The following NOSIP variants were observed in gnomAD, a reference collection of about 807,000 sequenced individuals.
NOSIP encodes the protein nitric oxide synthase interacting protein, also known as nitric oxide synthase-interacting protein.
Under a neutral mutation model 36.4 loss-of-function variants are expected in NOSIP, and 25 were observed. The observed-to-expected ratio is 0.69, with a 90% CI of 0.50 to 0.96. The LOEUF is 0.96. Among genes scored for constraint, NOSIP ranks in the 40% least tolerant of loss-of-function variants. The probability of loss-of-function intolerance (pLI) is 0.00; values close to 1 mark genes in which losing one functional copy is unlikely to be tolerated. For synonymous variants in NOSIP, 187 were observed against 179.2 expected, an observed-to-expected ratio of 1.04 and a Z score of -0.35; for missense variants, 370 against 429.0, an observed-to-expected ratio of 0.86 and a Z score of 1.21.
At chr19:49,557,055 G>GC (rs1268839366) in intron 5 of NOSIP, 35 bp downstream of exon 5, 15 of 1,591,240 alleles carry the variant, frequency 9.4e-6, no homozygotes, top group African/African-American at 1.3e-5. Context: ...GCGGCGCCCC[G>GC]CCCCCCAACC....
chr19:49,558,895 A>C lies in NOSIP; in HGVS notation c.258+2T>G, dbSNP rs1599746465. On this transcript the variant is annotated splice_donor_variant, in intron 4 of 8. Coordinates refer to ENST00000596358, the MANE Select transcript of NOSIP (RefSeq NM_001270960.2). LOFTEE classifies it high-confidence loss of function. The stretch of plus-strand genomic sequence containing the variant: ...GTGCCGCCTCCTCCCCATCCCCATC[A>C]CCTTCATCTGCCGGGCAATCTCCTT... 6.2e-7 allele frequency: 1 copy of C among 1,613,338 alleles called. No individual in the cohort carries two copies. The highest frequency in any genetic ancestry group is 8.5e-7 in the Non-Finnish European group (1 of 1,179,412).
chr19:49,556,280 T>C (rs773635699), intron 8 of NOSIP, 37 bp downstream of exon 8: 14 of 1,141,824 alleles, frequency 1.2e-5, no homozygotes, highest in South Asian at 3.9e-5. Context: ...GGCGGGGCCT[T>C]GGAGTGCTGG....
intron 1 of NOSIP, among the ~76,000 whole-genome samples, chr19:49,577,985 T>C (rs1317596434): frequency 6.6e-6 from 1 of 152,060 alleles, no homozygotes; most frequent in Admixed American, 6.6e-5. Flanking sequence ...TGCTAATGAG[T>C]ACCAGGGTTT....
chr19:49,561,619 C>T (rs559011828), intron 1 of NOSIP, among the ~76,000 whole-genome samples: 2 of 152,244 alleles, frequency 1.3e-5, no homozygotes, highest in African/African-American at 4.8e-5. Flanking sequence ...TAGTGGCTCA[C>T]GCCTGTAATC....
intron 1 of NOSIP, among the ~76,000 whole-genome samples, chr19:49,569,625 T>C (rs1355938974): frequency 2.0e-5 from 3 of 148,562 alleles, no homozygotes; most frequent in African/African-American, 7.4e-5. Context: ...CTGGCCAACA[T>C]GGTGAAACCA....
At position 49,557,897 on chromosome 19, in the gene NOSIP, C is replaced by T. The variant is rs557195535; in HGVS notation, c.259-648G>A. 146 of 987,628 alleles carry T rather than the reference C, an allele frequency of 1.5e-4. 1 individual carries two copies. In the African/African-American group the frequency reaches 1.8e-3, roughly 12 times the overall value. 61.2% of individuals were successfully genotyped at this position (987,628 alleles called of 1,614,324 possible). A position where few individuals can be genotyped will look rare whatever the true frequency, so the allele number is the denominator to read the frequency against. ...AGTGATGGATGCTCATGAGGGCCTC[C>T]GACATGACCACCAGGCTGTGTGGAG... On this transcript the variant is annotated intron_variant, in intron 4 of 8. Transcript: ENST00000596358.
intron 1 of NOSIP, among the ~76,000 whole-genome samples, chr19:49,563,182 G>GTTT (rs766907529): frequency 0.021 from 3,004 of 144,692 alleles, 103 homozygotes; most frequent in African/African-American, 0.071. Context: ...TTTTCTTTTT[G>GTTT]TTTTTTTTTT....
At chr19:49,557,595 C>G in intron 4 of NOSIP, 1 of 1,176,328 alleles carries the variant, frequency 8.5e-7, no homozygotes, top group Non-Finnish European at 1.1e-6. Context: ...GAGAGCCTCA[C>G]CTGGCACTCA....
chr19:49,568,393 T>C lies in NOSIP; in HGVS notation c.-1-7701A>G, dbSNP rs1351559951. Among the ~76,000 whole-genome samples the C allele has an allele frequency of 2.0e-5, 3 of 151,978 alleles. No homozygotes were observed. In the East Asian group the frequency reaches 5.8e-4, roughly 29 times the overall value. On this transcript the variant is annotated intron_variant, in intron 1 of 8. Coordinates refer to ENST00000596358, the MANE Select transcript of NOSIP (RefSeq NM_001270960.2). ...GCTCCTAACACCCGGGGAACTGCGG[T>C]GGTGGTATTTGTTTGAAGTGCCGTG...
At chr19:49,563,229 G>A (rs1227585533) in intron 1 of NOSIP, among the ~76,000 whole-genome samples, 2 of 151,406 alleles carry the variant, frequency 1.3e-5, no homozygotes, top group Non-Finnish European at 2.9e-5. Flanking sequence ...AGGCTGGAGT[G>A]CAGTGGTACA....
At position 49,564,469 on chromosome 19, in the gene NOSIP, A is replaced by T. The variant is rs570022188; in HGVS notation, c.-1-3777T>A. Among the ~76,000 whole-genome samples, 337 of 151,558 alleles carry T rather than the reference A, an allele frequency of 2.2e-3. 1 individual carries two copies. The highest frequency in any genetic ancestry group is 4.3e-3 in the Admixed American group (65 of 15,138). ...ACTCCATCTCAAAAAAAAAAAAAAA[A>T]AAAAAAACAAAATAAAACTTCATTG... On this transcript the variant is annotated intron_variant, in intron 1 of 8. Transcript: ENST00000596358.
chr19:49,576,755 A>G (rs1349865223), intron 1 of NOSIP, among the ~76,000 whole-genome samples: 1 of 151,718 alleles, frequency 6.6e-6, no homozygotes, highest in African/African-American at 2.4e-5. Flanking sequence ...GTGGTGGTGC[A>G]TACCTGTAAT....
Position 49,556,700 on chromosome 19 carries a change from G to A in NOSIP, c.574C>T (p.Leu192=), listed in dbSNP as rs544641789. 6 of 1,609,886 alleles carry A rather than the reference G, an allele frequency of 3.7e-6. No individual in the cohort carries two copies. The highest frequency in any genetic ancestry group is 1.3e-5 in the African/African-American group (1 of 74,950). Residue 192 remains leucine, a synonymous_variant, in exon 7 of 9, where the codon CTG becomes TTG. Coordinates refer to ENST00000596358, the MANE Select transcript of NOSIP (RefSeq NM_001270960.2). The part of the protein sequence containing the change: ...TVTCPMSGKP[L]RMSDLTPVHF... ...ACGGGCGTCAGGTCCGACATGCGCAGGGGCTTCCCTGACATGGGGCAGGTC... is the reference window on the plus strand; with the variant it reads ...ACGGGCGTCAGGTCCGACATGCGCAAGGGCTTCCCTGACATGGGGCAGGTC...
intron 1 of NOSIP, among the ~76,000 whole-genome samples, chr19:49,572,157 G>C (rs1217941280): frequency 6.7e-6 from 1 of 149,498 alleles, no homozygotes; most frequent in Non-Finnish European, 1.5e-5. Flanking sequence ...CTAGGGTGGA[G>C]TGCAGTGGTG....
intron 1 of NOSIP, among the ~76,000 whole-genome samples, chr19:49,571,137 A>T (rs894355499): frequency 7.6e-5 from 10 of 131,358 alleles, no homozygotes; most frequent in African/African-American, 2.6e-4. Context: ...CGCCCAGCTA[A>T]TTTTTTTTTT....
chr19:49,572,932 C>T (rs1351915816), intron 1 of NOSIP, among the ~76,000 whole-genome samples: 1 of 142,178 alleles, frequency 7.0e-6, no homozygotes, highest in Non-Finnish European at 1.5e-5. Flanking sequence ...AAGATCGGGC[C>T]ACTGCACTCC....
At position 49,560,814 on chromosome 19, in the gene NOSIP, G is replaced by A. The variant is rs926902008; in HGVS notation, c.-1-122C>T. ...TGGGAAAGCGGAGGCGGAGAAGGGG[G>A]GTGAGGTGGAAGAGAGGGAGGGCAT... On this transcript the variant is annotated intron_variant, in intron 1 of 8. Coordinates refer to ENST00000596358, the MANE Select transcript of NOSIP (RefSeq NM_001270960.2). This position sits in a 1 kb window ranked among gnomAD's most constrained non-coding sequence, Gnocchi z 4.6. 6.5e-5 allele frequency: 50 copies of A among 773,800 alleles called. No individual in the cohort carries two copies. The highest frequency in any genetic ancestry group is 2.1e-5 in the Admixed American group (1 of 47,936). 47.9% of individuals were successfully genotyped at this position (773,800 alleles called of 1,614,324 possible).
chr19:49,556,468 C>T, intron 7 of NOSIP, 43 bp from the exon 8 acceptor site: 36 of 1,608,676 alleles, frequency 2.2e-5, no homozygotes, highest in Non-Finnish European at 3.1e-5. Context: ...CAGGGGCCTT[C>T]CTGGGGACCT....
Position 49,565,892 on chromosome 19 carries a change from C to T in NOSIP, c.-1-5200G>A, listed in dbSNP as rs189312617. The stretch of plus-strand genomic sequence containing the variant: ...GGCTACAGATTCATCCCTGAATGAA[C>T]ACAACTCTTGGATTTGACACCTGTG... On this transcript the variant is annotated intron_variant, in intron 1 of 8. Coordinates refer to ENST00000596358, the MANE Select transcript of NOSIP (RefSeq NM_001270960.2). Among the ~76,000 whole-genome samples the T allele has an allele frequency of 3.9e-4, 60 of 152,346 alleles. No homozygotes were observed. The Middle Eastern group carries it at 0.01, about 26-fold the overall frequency.
Sources: gnomAD v4.1 joint callset for allele counts (sites outside exome capture counted in the v4.1 genomes callset) on GRCh38, gnomAD v4.1.1 for gene constraint, Gnocchi (gnomAD v3.1) non-coding constraint, MANE v1.5 for transcripts, NCBI Gene and HGNC (gene_info 2026-07-23, HGNC 2026-07-21) for gene names.